DLG2: variants seen among roughly 807,000 people sequenced by gnomAD.
DLG2 encodes disks large homolog 2.
In DLG2, 45 loss-of-function variants were observed where a neutral mutation model predicts 132.5. The ratio of observed to expected loss-of-function variants is 0.34; its 90% CI spans 0.27 to 0.44. DLG2 has a LOEUF of 0.44. DLG2 is among the 20% of genes least tolerant of loss of function. The pLI is 1.00. For missense variants in DLG2, 1,045 were observed against 1,196.9 expected (o/e 0.87, Z 1.87); for synonymous variants, 424 against 419.6 (o/e 1.01, Z -0.13).
chr11:84,775,465 A>T (rs996514356), intron 6 of DLG2, among the ~76,000 whole-genome samples: 2 of 152,178 alleles, frequency 1.3e-5, no homozygotes, highest in African/African-American at 4.8e-5. Context: ...CCAAAAAGAC[A>T]CATGTGTGTT....
At chr11:84,959,432 A>T (rs1366867201) in intron 6 of DLG2, among the ~76,000 whole-genome samples, 1 of 152,190 alleles carries the variant, frequency 6.6e-6, no homozygotes, top group African/African-American at 2.4e-5. Context: ...GTGAAAGGGC[A>T]TGCATCTACA....
At chr11:84,298,443 C>A (rs1452610048) in intron 7 of DLG2, among the ~76,000 whole-genome samples, 1 of 152,106 alleles carries the variant, frequency 6.6e-6, no homozygotes. Context: ...TAAAGAAGCC[C>A]CTTGCGACCC....
chr11:85,520,737 A>C (rs1336371287), intron 3 of DLG2, among the ~76,000 whole-genome samples: 1 of 152,168 alleles, frequency 6.6e-6, no homozygotes, highest in Non-Finnish European at 1.5e-5. Context: ...ATTTTTGAAA[A>C]AGATGCCAAG....
intron 3 of DLG2, among the ~76,000 whole-genome samples, chr11:85,567,199 C>T (rs2077576734): frequency 6.6e-6 from 1 of 152,170 alleles, no homozygotes; most frequent in Admixed American, 6.5e-5. Context: ...AGCTTTTTCA[C>T]TTCTTCAAAA....
intron 6 of DLG2, among the ~76,000 whole-genome samples, chr11:84,581,513 A>G (rs1188194897): frequency 6.6e-6 from 1 of 152,208 alleles, no homozygotes; most frequent in East Asian, 1.9e-4. Flanking sequence ...CTGCTAAGCT[A>G]TTTCTCAAAT....
chr11:84,333,130 A>T (rs978090601), intron 7 of DLG2, among the ~76,000 whole-genome samples: 64 of 152,316 alleles, frequency 4.2e-4, no homozygotes, highest in African/African-American at 1.4e-3. Context: ...TTGCTTTATA[A>T]AGAGTGCTAT....
intron 4 of DLG2, among the ~76,000 whole-genome samples, chr11:85,244,787 G>C (rs541544637): frequency 6.6e-6 from 1 of 151,990 alleles, no homozygotes; most frequent in Non-Finnish European, 1.5e-5. Context: ...TCAAATAAGT[G>C]AGATGGTTCA....
chr11:83,727,398 A>C (rs2153694867), intron 18 of DLG2, among the ~76,000 whole-genome samples: 1 of 152,148 alleles, frequency 6.6e-6, no homozygotes, highest in South Asian at 2.1e-4. Context: ...ACTCCCCACC[A>C]CCCAAGGCTA....
chr11:83,921,833 A>G (rs2077988581), intron 15 of DLG2, among the ~76,000 whole-genome samples: 1 of 143,048 alleles, frequency 7.0e-6, no homozygotes, highest in Admixed American at 7.2e-5. Flanking sequence ...TCAGATAGAG[A>G]TATTATCTCA....
chr11:84,026,207 T>C (rs1486868476), intron 11 of DLG2, among the ~76,000 whole-genome samples: 1 of 151,944 alleles, frequency 6.6e-6, no homozygotes, highest in Non-Finnish European at 1.5e-5. Context: ...GCTTATAATA[T>C]AGTACAAAAA....
intron 8 of DLG2, among the ~76,000 whole-genome samples, chr11:84,238,912 G>A (rs17499029): frequency 0.048 from 7,357 of 152,196 alleles, 273 homozygotes; most frequent in Non-Finnish European, 0.076. Context: ...TTTGAAAAGA[G>A]TGCTTATCTA....
At chr11:84,500,298 A>G (rs1218741650) in intron 7 of DLG2, among the ~76,000 whole-genome samples, 1 of 151,886 alleles carries the variant, frequency 6.6e-6, no homozygotes, top group Non-Finnish European at 1.5e-5. Flanking sequence ...GGCATGCTAC[A>G]GACTCTATTT....
chr11:84,533,638 A>G (rs2099348046), intron 7 of DLG2, among the ~76,000 whole-genome samples: 1 of 152,178 alleles, frequency 6.6e-6, no homozygotes, highest in African/African-American at 2.4e-5. Context: ...CAGGTATAAT[A>G]AGATCCAGAG....
chr11:84,916,417 A>AT (rs2154080806), intron 6 of DLG2, among the ~76,000 whole-genome samples: 1 of 148,422 alleles, frequency 6.7e-6, no homozygotes, highest in South Asian at 2.2e-4. Flanking sequence ...TTATCAAAGT[A>AT]TTTTTCTCTA....
intron 3 of DLG2, among the ~76,000 whole-genome samples, chr11:85,474,038 C>G (rs1315322408): frequency 6.6e-6 from 1 of 151,920 alleles, no homozygotes; most frequent in Non-Finnish European, 1.5e-5. Context: ...TCATGTTGAA[C>G]TACAAAACTC....
chr11:83,824,029 CTGAT>C (rs1200759485), intron 17 of DLG2, among the ~76,000 whole-genome samples: 2 of 152,166 alleles, frequency 1.3e-5, no homozygotes, highest in Non-Finnish European at 2.9e-5. Context: ...ACCATCATTA[CTGAT>C]TATCTGTGTG....
intron 3 of DLG2, among the ~76,000 whole-genome samples, chr11:85,457,175 CTTCT>C (rs756713441): frequency 7.4e-4 from 73 of 98,874 alleles, no homozygotes; most frequent in Non-Finnish European, 9.4e-4. Context: ...ATGTAATGCC[CTTCT>C]TTGTCTTTTT....
intron 19 of DLG2, among the ~76,000 whole-genome samples, chr11:83,619,260 T>C (rs1009647601): frequency 6.6e-6 from 1 of 152,214 alleles, no homozygotes; most frequent in Non-Finnish European, 1.5e-5. Flanking sequence ...TCCTCATTTA[T>C]TACTGAGGGA....
At chr11:84,107,323 A>G (rs1421352940) in intron 9 of DLG2, among the ~76,000 whole-genome samples, 1 of 152,102 alleles carries the variant, frequency 6.6e-6, no homozygotes, top group African/African-American at 2.4e-5. Flanking sequence ...GCTGACATGA[A>G]AAGATCTTTA....
Sources: gnomAD v4.1 joint callset for allele counts (sites outside exome capture counted in the v4.1 genomes callset) on GRCh38, gnomAD v4.1.1 for gene constraint, MANE v1.5 for transcripts, NCBI Gene and HGNC (gene_info 2026-07-23, HGNC 2026-07-21) for gene names.